The following YAE1 variants were observed in gnomAD, a reference collection of about 807,000 sequenced individuals.
YAE1 encodes the protein YAE1 maturation factor of ABCE1.
Under a neutral mutation model 23.0 loss-of-function variants are expected in YAE1, and 22 were observed. That is an observed-to-expected ratio of 0.96 (90% confidence interval 0.68 to 1.37). The LOEUF is 1.37. Among genes scored for constraint, YAE1 ranks in the 40% most tolerant of loss-of-function variants. YAE1 has a pLI of 0.00. For missense variants in YAE1, 260 were observed against 262.1 expected (o/e 0.99, Z 0.06); for synonymous variants, 101 against 97.0 (o/e 1.04, Z -0.24).
At chr7:39,594,956 T>G (rs4720329) in intron 2 of YAE1, among the ~76,000 whole-genome samples, 102,469 of 152,004 alleles carry the variant, frequency 0.67, 35,695 homozygotes, top group East Asian at 0.77. Flanking sequence ...GTATCATATT[T>G]ATATATTTAA....
intron 2 of YAE1, 60 bp from the exon 3 acceptor site, chr7:39,572,217 A>T: frequency 6.8e-7 from 1 of 1,474,238 alleles, no homozygotes; most frequent in Non-Finnish European, 9.1e-7. Context: ...TTATTGAAAG[A>T]TAGTCTTATA....
chr7:39,605,957 G>A (rs757176739), intron 2 of YAE1, among the ~76,000 whole-genome samples: 7 of 149,358 alleles, frequency 4.7e-5, no homozygotes, highest in African/African-American at 7.4e-5. Context: ...GTTTTGTTTT[G>A]TTTAGAAACA....
chr7:39,577,503 T>TGGAGTGGCCGGCCAGCAG (rs1237323799), downstream of YAE1, among the ~76,000 whole-genome samples: 26 of 152,168 alleles, frequency 1.7e-4, 1 homozygote, highest in African/African-American at 6.0e-4. Context: ...GCCCTGCACT[T>TGGAGTGGCCGGCCAGCAG]GGAGTGGCCG....
At chr7:39,610,391 C>G, downstream of YAE1, 1 of 459,746 alleles carries the variant, frequency 2.2e-6, no homozygotes, top group Non-Finnish European at 4.3e-6. Context: ...ATCCTGAGAA[C>G]ATTCCAACGT....
downstream of YAE1, among the ~76,000 whole-genome samples, chr7:39,577,256 T>C (rs1790668170): frequency 6.6e-6 from 1 of 152,248 alleles, no homozygotes; most frequent in South Asian, 2.1e-4. Flanking sequence ...AATCCACATA[T>C]CCAAACTGTG....
intron 2 of YAE1, among the ~76,000 whole-genome samples, chr7:39,603,128 C>A (rs1458891571): frequency 7.0e-6 from 1 of 143,568 alleles, no homozygotes; most frequent in Non-Finnish European, 1.5e-5. Flanking sequence ...TTTAGCAGAG[C>A]ATGTGATGAG....
At chr7:39,584,104 C>A (rs17171605) in intron 2 of YAE1, among the ~76,000 whole-genome samples, 7,261 of 152,190 alleles carry the variant, frequency 0.048, 308 homozygotes, top group African/African-American at 0.11. Context: ...TCTGGCAGAA[C>A]TAAAGGTAAT....
downstream of YAE1, among the ~76,000 whole-genome samples, chr7:39,610,940 G>T (rs765046376): frequency 4.0e-4 from 61 of 152,094 alleles, no homozygotes; most frequent in Non-Finnish European, 7.8e-4. Context: ...CGCTTGAGGA[G>T]AGTTCGTGAT....
At chr7:39,581,489 A>T (rs1012853915) in intron 2 of YAE1, among the ~76,000 whole-genome samples, 1 of 152,190 alleles carries the variant, frequency 6.6e-6, no homozygotes, top group Non-Finnish European at 1.5e-5. Flanking sequence ...GCATTGCAAA[A>T]CACCTTTCTT....
chr7:39,607,905 G>A (rs560181800), intron 2 of YAE1, among the ~76,000 whole-genome samples: 134 of 152,334 alleles, frequency 8.8e-4, no homozygotes, highest in Non-Finnish European at 1.2e-3. Context: ...CTGACCTCAT[G>A]TGATCCACCT....
intron 2 of YAE1, among the ~76,000 whole-genome samples, chr7:39,585,670 C>G (rs1790805450): frequency 6.6e-6 from 1 of 152,230 alleles, no homozygotes; most frequent in Non-Finnish European, 1.5e-5. Flanking sequence ...GCACAACTTC[C>G]TTTTATAGAA....
intron 2 of YAE1, among the ~76,000 whole-genome samples, chr7:39,597,496 A>G (rs977387649): frequency 2.6e-5 from 4 of 152,216 alleles, no homozygotes; most frequent in Admixed American, 6.5e-5. Flanking sequence ...CTTAGTTCTG[A>G]TAATTCGCTG....
chr7:39,583,877 T>C (rs913466536), intron 2 of YAE1, among the ~76,000 whole-genome samples: 2 of 152,216 alleles, frequency 1.3e-5, no homozygotes, highest in Non-Finnish European at 2.9e-5. Flanking sequence ...CCTAGGGTTA[T>C]TGTAAAGAAT....
At chr7:39,587,341 G>A (rs1027118616) in intron 2 of YAE1, among the ~76,000 whole-genome samples, 5 of 151,426 alleles carry the variant, frequency 3.3e-5, no homozygotes, top group South Asian at 2.1e-4. Flanking sequence ...ACAGGCTGTT[G>A]CTCCAGCCTG....
chr7:39,572,310 T>C lies in YAE1; in HGVS notation c.285T>C (p.Asn95=). Residue 95 remains asparagine, a synonymous_variant, in exon 3 of 3, where the codon AAT becomes AAC. Transcript: ENST00000223273. ...ALLSWCHLHN[N]NSTLINKINN... The stretch of plus-strand genomic sequence containing the variant: ...TCTCCTGGTGTCACCTTCATAATAA[T>C]AATTCAACTTTGATCAATAAAATAA... 4 of 1,613,578 alleles carry C rather than the reference T, an allele frequency of 2.5e-6. No homozygotes were observed. The highest frequency in any genetic ancestry group is 2.5e-6 in the Non-Finnish European group (3 of 1,179,636).
chr7:39,580,845 C>CTG (rs1466786252), intron 2 of YAE1, among the ~76,000 whole-genome samples: 1 of 152,120 alleles, frequency 6.6e-6, no homozygotes, highest in African/African-American at 2.4e-5. Context: ...ATCAAAATAA[C>CTG]TGATCATAAG....
At position 39,603,109 on chromosome 7, in the gene YAE1, G is replaced by A. The variant is rs547080253; in HGVS notation, c.252-6508G>A. On this transcript the variant is annotated intron_variant, in intron 2 of 2. Coordinates refer to the YAE1 transcript ENST00000432096. ...CAGAAAAGTAAGACCCAAAGTAGAT[G>A]GCCTCTAATTTAGCAGAGCATGTGA... Among the ~76,000 whole-genome samples, 272 of 151,910 alleles carry A rather than the reference G, an allele frequency of 1.8e-3. 1 individual carries two copies. Among genetic ancestry groups the A allele is most frequent in the African/African-American group, 6.4e-3 (264 of 41,486 alleles).
intron 2 of YAE1, among the ~76,000 whole-genome samples, chr7:39,582,973 C>T (rs1001578964): frequency 4.6e-5 from 7 of 152,096 alleles, no homozygotes; most frequent in African/African-American, 1.4e-4. Flanking sequence ...TATACATTTA[C>T]GTAAAAATCC....
chr7:39,611,569 T>C (rs541023334), downstream of YAE1, among the ~76,000 whole-genome samples: 24 of 152,332 alleles, frequency 1.6e-4, no homozygotes, highest in Admixed American at 5.9e-4. Flanking sequence ...CCAAATTATT[T>C]TGAGGTAGCC....
Sources: gnomAD v4.1 joint callset for allele counts (sites outside exome capture counted in the v4.1 genomes callset) on GRCh38, gnomAD v4.1.1 for gene constraint, MANE v1.5 for transcripts, NCBI Gene and HGNC (gene_info 2026-07-23, HGNC 2026-07-21) for gene names.